The following NBAS variants were observed in gnomAD, a reference collection of about 807,000 sequenced individuals.
NBAS encodes the protein NBAS subunit of NRZ tethering complex.
NBAS carries 219 observed loss-of-function variants against 302.5 expected under a neutral mutation model. That is an observed-to-expected ratio of 0.72 (90% confidence interval 0.65 to 0.81). The LOEUF (loss-of-function observed/expected upper bound fraction) is 0.81. NBAS is among the 30% of genes least tolerant of loss of function. NBAS has a pLI of 0.00. For synonymous variants in NBAS, 1,118 were observed against 1,021.6 expected (o/e 1.09, Z -1.80); for missense variants, 2,932 against 2,841.6 (o/e 1.03, Z -0.72).
At chr2:15,259,277 G>A (rs1391968537) in intron 44 of NBAS, among the ~76,000 whole-genome samples, 5 of 152,056 alleles carry the variant, frequency 3.3e-5, no homozygotes, top group East Asian at 1.9e-4. Flanking sequence ...AAAATTATAC[G>A]AAAGTGAAAA....
At chr2:15,541,602 T>C (rs552338128) in intron 6 of NBAS, among the ~76,000 whole-genome samples, 3 of 152,254 alleles carry the variant, frequency 2.0e-5, no homozygotes, top group Non-Finnish European at 2.9e-5. Flanking sequence ...TCATTCAGCA[T>C]GGATAAGTCT....
intron 40 of NBAS, among the ~76,000 whole-genome samples, chr2:15,301,515 G>A (rs1288359359): frequency 6.6e-6 from 1 of 152,186 alleles, no homozygotes; most frequent in African/African-American, 2.4e-5. Flanking sequence ...ATCAGTTTGG[G>A]AGCAGACAGG....
At chr2:15,495,026 G>C (rs2148621700) in intron 11 of NBAS, among the ~76,000 whole-genome samples, 2 of 152,242 alleles carry the variant, frequency 1.3e-5, no homozygotes, top group East Asian at 3.9e-4. Context: ...ATTCACAATA[G>C]GCAATTTCTT....
chr2:15,348,603 C>T (rs1241820387), intron 35 of NBAS, among the ~76,000 whole-genome samples: 4 of 151,978 alleles, frequency 2.6e-5, no homozygotes, highest in Non-Finnish European at 5.9e-5. Flanking sequence ...CAATTCCATG[C>T]TCAACAGAAA....
In NBAS at chr2:15,488,932, A is replaced by G; in HGVS notation, c.1045T>C (p.Ser349Pro). The G allele has an allele frequency of 6.2e-7, 1 of 1,613,890 alleles. No individual in the cohort carries two copies. Among genetic ancestry groups the G allele is most frequent in the Non-Finnish European group, 8.5e-7 (1 of 1,179,852 alleles). The change falls in exon 12 of 52, where the codon TCT becomes CCT. Residue 349 changes from serine (S) to proline (P), a missense_variant. Physicochemically the swap from Ser to Pro is moderately conservative, Grantham distance 74. Coordinates refer to ENST00000281513, the MANE Select transcript of NBAS (RefSeq NM_015909.4). ...SGKLSIWAIP[S>P]LKQQGEWGQN... is the part of the protein sequence containing the mutation. The stretch of plus-strand genomic sequence containing the variant: ...CCCCATTCCCCTTGTTGCTTCAGAG[A>G]TGGAATCGCCCAGATGCTCAGTTTC...
chr2:14,793,068 T>TTC, the NBAS span, among the ~76,000 whole-genome samples: 4,097 of 147,380 alleles, frequency 0.028, 70 homozygotes, highest in Middle Eastern at 0.038. Context: ...CTGTCTCTGT[T>TTC]TCTCTCTCTC....
At chr2:15,402,507 T>C (rs1676204019) in intron 25 of NBAS, among the ~76,000 whole-genome samples, 1 of 152,134 alleles carries the variant, frequency 6.6e-6, no homozygotes, top group South Asian at 2.1e-4. Flanking sequence ...TAAAAGATAA[T>C]TTGTAACCCC....
chr2:15,030,254 C>T, the NBAS span, among the ~76,000 whole-genome samples: 8 of 152,132 alleles, frequency 5.3e-5, no homozygotes, highest in South Asian at 2.1e-4. Flanking sequence ...GGACACATTC[C>T]GGAACAGATA....
intron 44 of NBAS, among the ~76,000 whole-genome samples, chr2:15,261,465 A>T (rs1051245046): frequency 6.6e-6 from 1 of 152,272 alleles, no homozygotes; most frequent in African/African-American, 2.4e-5. Context: ...TACACTTAAC[A>T]TCACCATAAT....
At chr2:14,877,256 A>T in the NBAS span, among the ~76,000 whole-genome samples, 1 of 152,078 alleles carries the variant, frequency 6.6e-6, no homozygotes, top group Non-Finnish European at 1.5e-5. Context: ...CACCCACTTT[A>T]AAAGGACATT....
chr2:15,354,208 A>T (rs1039671988), intron 33 of NBAS, among the ~76,000 whole-genome samples: 2 of 152,212 alleles, frequency 1.3e-5, no homozygotes, highest in Non-Finnish European at 2.9e-5. Flanking sequence ...AAAGTGCTAG[A>T]AAAAGAGATA....
intron 45 of NBAS, among the ~76,000 whole-genome samples, chr2:15,237,100 AT>A (rs1667629595): frequency 6.6e-6 from 1 of 152,188 alleles, no homozygotes; most frequent in African/African-American, 2.4e-5. Context: ...TACAAGGTTC[AT>A]TTACCATAGT....
At chr2:14,949,220 C>A in the NBAS span, among the ~76,000 whole-genome samples, 1 of 151,970 alleles carries the variant, frequency 6.6e-6, no homozygotes, top group Non-Finnish European at 1.5e-5. Context: ...GCACAGGTAA[C>A]CAGAGCAAAA....
chr2:14,816,405 T>C, the NBAS span, among the ~76,000 whole-genome samples: 1 of 152,240 alleles, frequency 6.6e-6, no homozygotes, highest in Non-Finnish European at 1.5e-5. Flanking sequence ...TGGAACAGTT[T>C]CATCCCAAAT....
the NBAS span, among the ~76,000 whole-genome samples, chr2:14,807,977 T>A: frequency 1.3e-5 from 2 of 152,210 alleles, no homozygotes; most frequent in Non-Finnish European, 2.9e-5. Flanking sequence ...AAACTTTAAA[T>A]ATTCATATAT....
the NBAS span, among the ~76,000 whole-genome samples, chr2:14,950,900 G>T: frequency 6.6e-6 from 1 of 152,162 alleles, no homozygotes; most frequent in Non-Finnish European, 1.5e-5. Flanking sequence ...AATTTTAGAA[G>T]CTTTGTCCCT....
the NBAS span, among the ~76,000 whole-genome samples, chr2:15,140,718 T>C: frequency 0.3 from 46,155 of 152,106 alleles, 7,114 homozygotes; most frequent in African/African-American, 0.35. Context: ...ATGGGGTCCT[T>C]GGGGCAGATG....
intron 47 of NBAS, among the ~76,000 whole-genome samples, chr2:15,228,495 C>T (rs919280149): frequency 1.3e-5 from 2 of 152,138 alleles, no homozygotes; most frequent in Non-Finnish European, 2.9e-5. Flanking sequence ...GAGTATACAT[C>T]CAAAGGGAAT....
the NBAS span, among the ~76,000 whole-genome samples, chr2:15,133,679 G>T: frequency 6.6e-6 from 1 of 152,192 alleles, no homozygotes; most frequent in South Asian, 2.1e-4. Flanking sequence ...AACTCCAGTT[G>T]CATTTAGCAG....
Sources: allele counts gnomAD v4.1 joint callset (sites outside exome capture counted in the v4.1 genomes callset), GRCh38; gene constraint gnomAD v4.1.1; transcripts MANE v1.5; gene names NCBI Gene and HGNC (gene_info 2026-07-23, HGNC 2026-07-21).